The following PANX3 variants were observed in gnomAD, a reference collection of about 807,000 sequenced individuals.
The protein encoded by PANX3 is pannexin-3.
In PANX3, 18 loss-of-function variants were observed where a neutral mutation model predicts 31.5. That is an observed-to-expected ratio of 0.57 (90% CI 0.39 to 0.85). PANX3 has a LOEUF of 0.85. PANX3 is among the 40% of genes least tolerant of loss of function. The probability of loss-of-function intolerance (pLI) is 0.00; values close to 1 mark genes in which losing one functional copy is unlikely to be tolerated. For synonymous variants in PANX3, 194 were observed against 201.6 expected (o/e 0.96, Z 0.32); for missense variants, 426 against 485.4 (o/e 0.88, Z 1.15).
chr11:124,619,196 G>GC, intron 3 of PANX3, 100 bp from the exon 4 acceptor site: 1 of 1,264,224 alleles, frequency 7.9e-7, no homozygotes, highest in Non-Finnish European at 1.1e-6. Context: ...AACCAAGAAT[G>GC]CCATGTTGAA....
At chr11:124,612,812 G>C (rs1863107836) in intron 1 of PANX3, among the ~76,000 whole-genome samples, 168 bp from the exon 2 acceptor site, 1 of 152,198 alleles carries the variant, frequency 6.6e-6, no homozygotes, top group South Asian at 2.1e-4. Flanking sequence ...GCGTCCAGGA[G>C]TGCCCTGTCC....
rs766981077 is a variant in PANX3 at position 124,611,745 on chromosome 11, G to C, written c.181+8G>C. The stretch of plus-strand genomic sequence containing the variant: ...CCCAGGAGTTCTCCTCTGGTAAGTT[G>C]CTTCCAAGACCCAGTGCGCAAGAGA... On this transcript the variant is annotated splice_region_variant and intron_variant, in intron 1 of 3. Coordinates refer to ENST00000284288, the MANE Select transcript of PANX3 (RefSeq NM_052959.3). 6.2e-7 allele frequency: 1 copy of C among 1,612,414 alleles called. No homozygotes were observed. Among genetic ancestry groups the C allele is most frequent in the Non-Finnish European group, 8.5e-7 (1 of 1,178,966 alleles).
chr11:124,616,927 C>T lies in PANX3; in HGVS notation c.325-347C>T, dbSNP rs1213050325. The stretch of plus-strand genomic sequence containing the variant: ...TCTATATATCCCTCTCCTGTCCTCC[C>T]CTCCCCTCCCTTCCCCTCTCCTTCC... On this transcript the variant is annotated intron_variant, in intron 2 of 3. Transcript: ENST00000284288. The surrounding 1 kb of genome is among the most constrained non-coding windows in gnomAD (Gnocchi z 4.8). 6.6e-6 allele frequency among the ~76,000 whole-genome samples: 1 copy of T among 151,664 alleles called. No individual in the cohort carries two copies. The highest frequency in any genetic ancestry group is 1.5e-5 in the Non-Finnish European group (1 of 67,876).
intron 1 of PANX3, 77 bp downstream of exon 1, chr11:124,611,814 T>C (rs1863095375): frequency 2.4e-5 from 36 of 1,473,870 alleles, no homozygotes; most frequent in Non-Finnish European, 3.1e-5. Context: ...TGAAGTGAGA[T>C]GGTGCGCACA....
chr11:124,615,822 G>A (rs968395982), intron 2 of PANX3, among the ~76,000 whole-genome samples: 1 of 152,068 alleles, frequency 6.6e-6, no homozygotes, highest in Non-Finnish European at 1.5e-5. Flanking sequence ...GACCAGCCTG[G>A]CCAACATGGT....
chr11:124,615,682 A>G (rs1565394802), intron 2 of PANX3, among the ~76,000 whole-genome samples: 1 of 152,180 alleles, frequency 6.6e-6, no homozygotes, highest in African/African-American at 2.4e-5. Context: ...AAATAAAATA[A>G]TGCATATTAA....
intron 3 of PANX3, among the ~76,000 whole-genome samples, chr11:124,618,407 T>C (rs1343312682): frequency 2.6e-5 from 4 of 152,228 alleles, no homozygotes; most frequent in Middle Eastern, 3.2e-3. Flanking sequence ...CTGTGGTTTG[T>C]GTCCACTATT....
Position 124,616,320 on chromosome 11 carries a change from G to A in PANX3, c.325-954G>A, listed in dbSNP as rs1863152371. Among the ~76,000 whole-genome samples, 1 of 152,062 alleles carries A rather than the reference G, an allele frequency of 6.6e-6. No individual in the cohort carries two copies. The highest frequency in any genetic ancestry group is 2.4e-5 in the African/African-American group (1 of 41,402). On this transcript the variant is annotated intron_variant, in intron 2 of 3. Coordinates refer to ENST00000284288, the MANE Select transcript of PANX3 (RefSeq NM_052959.3). The surrounding 1 kb of genome is among the most constrained non-coding windows in gnomAD (Gnocchi z 4.8). ...CCACTCCTTGGCCTGTAGATCCAGT[G>A]CCCTGGGCAGTCTCCCTGTATGCAT...
In PANX3 at chr11:124,619,296, G is replaced by A; in HGVS notation, c.540G>A (p.Lys180=). 1 of 1,609,924 alleles carries A rather than the reference G, an allele frequency of 6.2e-7. No individual in the cohort carries two copies. Among genetic ancestry groups the A allele is most frequent in the Non-Finnish European group, 8.5e-7 (1 of 1,178,334 alleles). ...DPYVFWNELE[K]ARKERYFEFP... is the part of the protein sequence containing the mutation. ...TTGCCTCCTTCCTTCCACTGCCCAG[G>A]GCTCGGAAAGAACGATACTTTGAAT... Residue 180 remains lysine (K), a splice_region_variant and synonymous_variant, in exon 4 of 4, where the codon AAG becomes AAA. Transcript: ENST00000284288.
intron 2 of PANX3, among the ~76,000 whole-genome samples, chr11:124,617,034 A>T (rs1863160702): frequency 6.7e-6 from 1 of 149,740 alleles, no homozygotes; most frequent in Admixed American, 6.6e-5. Flanking sequence ...CCCCACACAG[A>T]CCCTGGATCA....
rs561047538 is a variant in PANX3 at position 124,616,955 on chromosome 11, C to A, written c.325-319C>A. On this transcript the variant is annotated intron_variant, in intron 2 of 3. Coordinates refer to ENST00000284288, the MANE Select transcript of PANX3 (RefSeq NM_052959.3). This position sits in a 1 kb window ranked among gnomAD's most constrained non-coding sequence, Gnocchi z 4.8. ...CCCCTCCCTTCCCCTCTCCTTCCCA[C>A]CTCTCCTCTCTCTCTCTCTCCTTAT... Among the ~76,000 whole-genome samples the A allele has an allele frequency of 6.6e-6, 1 of 151,030 alleles. No homozygotes were observed. The highest frequency in any genetic ancestry group is 6.6e-5 in the Admixed American group (1 of 15,184).
At chr11:124,612,094 CT>C (rs1863101493) in intron 1 of PANX3, among the ~76,000 whole-genome samples, 1 of 152,066 alleles carries the variant, frequency 6.6e-6, no homozygotes, top group Admixed American at 6.5e-5. Context: ...CCTTAGACCT[CT>C]TCATCTTAGC....
Position 124,619,921 on chromosome 11 carries a change from G to A in PANX3, c.1165G>A (p.Asp389Asn), listed in dbSNP as rs749183917. ...KPKHLTNSAC[D>N]EHP ...CAAACACCTCACCAACTCGGCATGT[G>A]ATGAACACCCATAGTTAAGAAACCA... The change falls in exon 4 of 4, where the codon GAT (aspartate) becomes AAT (asparagine). Residue 389 changes from aspartate (D) to asparagine (N), a missense_variant. Physicochemically the swap from Asp to Asn is conservative, Grantham distance 23. Transcript: ENST00000284288. 1 of 1,604,978 alleles carries A rather than the reference G, an allele frequency of 6.2e-7. No homozygotes were observed. Among genetic ancestry groups the A allele is most frequent in the South Asian group, 1.1e-5 (1 of 89,746 alleles).
rs549837445 is a variant in PANX3, at chr11:124,612,320, G to A, written c.181+583G>A. 5.3e-5 allele frequency among the ~76,000 whole-genome samples: 8 copies of A among 152,340 alleles called. No individual in the cohort carries two copies. The South Asian group carries it at 1.7e-3, about 32-fold the overall frequency. On this transcript the variant is annotated intron_variant, in intron 1 of 3. Transcript: ENST00000284288. The stretch of plus-strand genomic sequence containing the variant: ...TCTAGGGTTTCAGGTGCTAGATTCA[G>A]TCAGCAAATCCACTACCTTTGTTAA...
rs1348531645 is a variant in PANX3, at chr11:124,616,633, G to T, written c.325-641G>T. On this transcript the variant is annotated intron_variant, in intron 2 of 3. Coordinates refer to ENST00000284288, the MANE Select transcript of PANX3 (RefSeq NM_052959.3). The surrounding 1 kb of genome is among the most constrained non-coding windows in gnomAD (Gnocchi z 4.8). The stretch of plus-strand genomic sequence containing the variant: ...AGACAAGGCTTATGGATTCCTGAAA[G>T]TCACTTATAGATTTACATGCCTGAA... Among the ~76,000 whole-genome samples, 2 of 152,210 alleles carry T rather than the reference G, an allele frequency of 1.3e-5. No individual in the cohort carries two copies. Among genetic ancestry groups the T allele is most frequent in the African/African-American group, 4.8e-5 (2 of 41,444 alleles).
chr11:124,619,903 C>T lies in PANX3; in HGVS notation c.1147C>T (p.Leu383Phe). The change falls in exon 4 of 4, where the codon CTC (leucine) becomes TTC (phenylalanine). Residue 383 changes from leucine to phenylalanine, a missense_variant. Coordinates refer to ENST00000284288, the MANE Select transcript of PANX3 (RefSeq NM_052959.3). ...CTTAGAACCCTCAAAACCCAAACAC[C>T]TCACCAACTCGGCATGTGATGAACA... ...AGLEPSKPKHLTNSACDEHP is the reference protein window; with the variant it reads ...AGLEPSKPKHFTNSACDEHP 1 of 1,610,416 alleles carries T rather than the reference C, an allele frequency of 6.2e-7. No individual in the cohort carries two copies.
chr11:124,615,893 T>G (rs1591368496), intron 2 of PANX3, among the ~76,000 whole-genome samples: 2 of 151,986 alleles, frequency 1.3e-5, no homozygotes, highest in East Asian at 3.9e-4. Flanking sequence ...GCACCTATAA[T>G]CCCAGCTACT....
At chr11:124,618,873 T>C (rs1863182290) in intron 3 of PANX3, among the ~76,000 whole-genome samples, 1 of 152,182 alleles carries the variant, frequency 6.6e-6, no homozygotes, top group African/African-American at 2.4e-5. Context: ...CTCAAACCCC[T>C]GGGCTTATGG....
At position 124,616,229 on chromosome 11, in the gene PANX3, T is replaced by A. The variant is rs1012232474; in HGVS notation, c.325-1045T>A. Among the ~76,000 whole-genome samples the A allele has an allele frequency of 3.9e-5, 6 of 152,016 alleles. No homozygotes were observed. The highest frequency in any genetic ancestry group is 1.4e-4 in the African/African-American group (6 of 41,384). ...GTCTCAGGGTTCTGGAGACCGGAAGTCTAAGATCAAGGTGTCATCAGTATT... is the reference window on the plus strand; with the variant it reads ...GTCTCAGGGTTCTGGAGACCGGAAGACTAAGATCAAGGTGTCATCAGTATT... On this transcript the variant is annotated intron_variant, in intron 2 of 3. Transcript: ENST00000284288. This position sits in a 1 kb window ranked among gnomAD's most constrained non-coding sequence, Gnocchi z 4.8.
Sources: gnomAD v4.1 joint callset for allele counts (sites outside exome capture counted in the v4.1 genomes callset) on GRCh38, gnomAD v4.1.1 for gene constraint, Gnocchi (gnomAD v3.1) non-coding constraint, MANE v1.5 for transcripts, NCBI Gene and HGNC (gene_info 2026-07-23, HGNC 2026-07-21) for gene names.